SLC2A9: variants seen among roughly 807,000 people sequenced by gnomAD.
SLC2A9 encodes the protein solute carrier family 2, facilitated glucose transporter member 9.
SLC2A9 carries 39 observed loss-of-function variants against 50.6 expected under a neutral mutation model. The observed-to-expected ratio is 0.77, with a 90% CI of 0.60 to 1.01. The LOEUF is 1.01. SLC2A9 is among the 50% of genes least tolerant of loss of function. SLC2A9 has a pLI of 0.00. For missense variants in SLC2A9, 686 were observed against 677.6 expected (o/e 1.01, Z -0.14); for synonymous variants, 324 against 276.9 (o/e 1.17, Z -1.69).
chr4:9,838,840 A>C (rs960491965), intron 10 of SLC2A9, among the ~76,000 whole-genome samples: 3 of 152,200 alleles, frequency 2.0e-5, no homozygotes, highest in Admixed American at 2.0e-4. Context: ...TACACCATAT[A>C]CAAAAATACA....
At chr4:10,036,876 G>T (rs564145193) in intron 1 of SLC2A9, among the ~76,000 whole-genome samples, 1 of 152,336 alleles carries the variant, frequency 6.6e-6, no homozygotes, top group African/African-American at 2.4e-5. Context: ...TCTAGTCCGG[G>T]ATTTCCACCC....
chr4:10,011,192 C>G (rs1042064905), intron 2 of SLC2A9, among the ~76,000 whole-genome samples: 2 of 152,208 alleles, frequency 1.3e-5, no homozygotes, highest in Non-Finnish European at 2.9e-5. Flanking sequence ...CCAGAATCTT[C>G]CTGTAGGCTC....
intron 10 of SLC2A9, among the ~76,000 whole-genome samples, chr4:9,873,713 C>T (rs1733818799): frequency 1.3e-5 from 2 of 152,200 alleles, no homozygotes; most frequent in Admixed American, 6.5e-5. Flanking sequence ...AGGAGGAAAT[C>T]ATCTAGCTGA....
At chr4:9,917,952 G>C (rs939875462) in intron 7 of SLC2A9, among the ~76,000 whole-genome samples, 1 of 152,154 alleles carries the variant, frequency 6.6e-6, no homozygotes. Flanking sequence ...GGTACAAAGT[G>C]TCTGGGTGGG....
intron 10 of SLC2A9, among the ~76,000 whole-genome samples, chr4:9,844,351 G>A (rs1728608719): frequency 6.6e-6 from 1 of 151,786 alleles, no homozygotes; most frequent in Admixed American, 6.6e-5. Context: ...CTGATTAATT[G>A]AGTATTCTAT....
chr4:10,006,077 G>A (rs929001615), intron 2 of SLC2A9, among the ~76,000 whole-genome samples: 3 of 152,110 alleles, frequency 2.0e-5, no homozygotes, highest in Non-Finnish European at 4.4e-5. Flanking sequence ...TGCTATATTT[G>A]TAAAATAAGG....
At chr4:10,015,830 A>G (rs774710506) in intron 2 of SLC2A9, among the ~76,000 whole-genome samples, 30 of 152,250 alleles carry the variant, frequency 2.0e-4, no homozygotes, top group Non-Finnish European at 3.8e-4. Context: ...TGTTACAGCC[A>G]AAGACACTGA....
chr4:9,860,790 G>A (rs765602818), intron 10 of SLC2A9, among the ~76,000 whole-genome samples: 2 of 152,160 alleles, frequency 1.3e-5, no homozygotes, highest in African/African-American at 2.4e-5. Flanking sequence ...TCACAACCCC[G>A]GGAAGTCCTC....
upstream of SLC2A9, among the ~76,000 whole-genome samples, chr4:10,023,696 C>A (rs7696092): frequency 0.73 from 110,812 of 152,146 alleles, 41,181 homozygotes; most frequent in East Asian, 0.98. Flanking sequence ...CCTTCAGCTC[C>A]TACTACATGT....
intron 7 of SLC2A9, among the ~76,000 whole-genome samples, chr4:9,919,569 T>G (rs1743526079): frequency 6.6e-6 from 1 of 152,166 alleles, no homozygotes. Flanking sequence ...CTGGGGCCCT[T>G]TGGAAGGGTG....
chr4:9,835,101 C>G (rs748104439), intron 10 of SLC2A9, 93 bp from the exon 11 acceptor site: 29 of 1,580,004 alleles, frequency 1.8e-5, no homozygotes, highest in East Asian at 1.8e-4. Flanking sequence ...AGAACCCCCC[C>G]ACCCCTGCCC....
chr4:9,828,667 G>A (rs184168478), intron 11 of SLC2A9, among the ~76,000 whole-genome samples: 1 of 152,130 alleles, frequency 6.6e-6, no homozygotes, highest in Non-Finnish European at 1.5e-5. Flanking sequence ...TGTATATCCT[G>A]CTTTCTTACT....
chr4:9,796,385 T>C (rs1307244492), downstream of SLC2A9, among the ~76,000 whole-genome samples: 1 of 152,144 alleles, frequency 6.6e-6, no homozygotes, highest in Non-Finnish European at 1.5e-5. Flanking sequence ...GGAGGCTTGG[T>C]TCATTTGGAT....
chr4:10,021,681 T>A (rs1763519153), upstream of SLC2A9, among the ~76,000 whole-genome samples: 1 of 152,084 alleles, frequency 6.6e-6, no homozygotes. Flanking sequence ...GTGGAATTTT[T>A]TTTTTTTTTC....
chr4:9,778,704 C>T (rs1339971276), downstream of SLC2A9, among the ~76,000 whole-genome samples: 1 of 152,226 alleles, frequency 6.6e-6, no homozygotes, highest in African/African-American at 2.4e-5. Flanking sequence ...CTAGAATCCT[C>T]TTTGGAGCAC....
intron 10 of SLC2A9, among the ~76,000 whole-genome samples, chr4:9,872,504 G>A (rs1006707905): frequency 1.3e-5 from 2 of 152,210 alleles, no homozygotes; most frequent in Non-Finnish European, 2.9e-5. Context: ...TTTTCCAAAC[G>A]CTTGAATGAA....
At chr4:9,790,681 C>G (rs928607350) in intron 3 of SLC2A9, among the ~76,000 whole-genome samples, 6 of 152,176 alleles carry the variant, frequency 3.9e-5, no homozygotes, top group African/African-American at 1.4e-4. Flanking sequence ...TGTCCTAGAA[C>G]TACTTGAAAG....
chr4:9,797,663 G>A (rs1850737), downstream of SLC2A9, among the ~76,000 whole-genome samples: 142,976 of 152,294 alleles, frequency 0.94, 67,270 homozygotes, highest in Middle Eastern at 0.96. Context: ...ATATTGCCCT[G>A]TGATGCTCAG....
At chr4:9,798,101 G>T (rs1005785747), downstream of SLC2A9, among the ~76,000 whole-genome samples, 1 of 152,176 alleles carries the variant, frequency 6.6e-6, no homozygotes, top group Non-Finnish European at 1.5e-5. Flanking sequence ...TGGTCCTTTG[G>T]AGGGATTTTA....
Sources: gnomAD v4.1 joint callset for allele counts (sites outside exome capture counted in the v4.1 genomes callset) on GRCh38, gnomAD v4.1.1 for gene constraint, MANE v1.5 for transcripts, NCBI Gene and HGNC (gene_info 2026-07-23, HGNC 2026-07-21) for gene names.